The following JADE1 variants were observed in gnomAD, a reference collection of about 807,000 sequenced individuals.
JADE1 encodes jade family PHD finger 1, also known as protein Jade-1.
In JADE1, 14 loss-of-function variants were observed where a neutral mutation model predicts 81.8. That is an observed-to-expected ratio of 0.17 (90% CI 0.11 to 0.27). JADE1 has a LOEUF of 0.27. JADE1 is among the 10% of genes least tolerant of loss of function. The pLI, the probability that JADE1 is intolerant of heterozygous loss-of-function variation, is 1.00. For missense variants in JADE1, 690 were observed against 1,047.9 expected (o/e 0.66, Z 4.71); for synonymous variants, 353 against 391.9 (o/e 0.90, Z 1.17).
rs1327648272 is a variant in JADE1, at chr4:128,875,091, G to GTAT, written c.*2831_*2833dup. ...ATTTTATATTACATGACCCAATCCT[G>GTAT]TATTTATTTCTACCCCCTTTTTGAA... is the stretch of plus-strand genomic sequence containing the variant. On this transcript the variant is annotated 3_prime_UTR_variant, in exon 11 of 11. Coordinates refer to ENST00000226319, the MANE Select transcript of JADE1 (RefSeq NM_199320.4). The GTAT allele has an allele frequency of 1.3e-5, 2 of 151,846 alleles. No homozygotes were observed. Among genetic ancestry groups the GTAT allele is most frequent in the African/African-American group, 4.8e-5 (2 of 41,250 alleles). 9.4% of individuals were successfully genotyped at this position (151,846 alleles called of 1,614,324 possible).
chr4:128,860,085 T>A (rs963781030), intron 8 of JADE1, among the ~76,000 whole-genome samples: 2 of 152,210 alleles, frequency 1.3e-5, no homozygotes, highest in East Asian at 3.9e-4. Flanking sequence ...AAGTGTAGTT[T>A]AAGCCAAACA....
intron 2 of JADE1, among the ~76,000 whole-genome samples, chr4:128,839,817 G>T (rs1729283420): frequency 6.6e-6 from 1 of 152,172 alleles, no homozygotes; most frequent in South Asian, 2.1e-4. Context: ...TTCACAGTCT[G>T]TTGGTGGATG....
intron 1 of JADE1, among the ~76,000 whole-genome samples, chr4:128,810,894 G>T (rs1726292067): frequency 6.6e-6 from 1 of 152,124 alleles, no homozygotes; most frequent in African/African-American, 2.4e-5. Context: ...GCAAAGTACC[G>T]ATTAATCGTG....
intron 1 of JADE1, among the ~76,000 whole-genome samples, chr4:128,824,001 A>G (rs947940716): frequency 6.6e-6 from 1 of 152,252 alleles, no homozygotes; most frequent in Non-Finnish European, 1.5e-5. Context: ...CATAGAAGAC[A>G]AAAGTGACCA....
rs1298196271 is a variant in JADE1, at chr4:128,871,831, G to A, written c.2098G>A (p.Ala700Thr). ...VSQRHLDNTRAATSPGVGQSA... is the reference protein window; with the variant it reads ...VSQRHLDNTRTATSPGVGQSA... The stretch of plus-strand genomic sequence containing the variant: ...CCAGAGGCATCTGGACAACACAAGA[G>A]CTGCCACCTCCCCTGGAGTGGGGCA... The change falls in exon 11 of 11, where the codon GCT (alanine) becomes ACT (threonine). Residue 700 changes from alanine (A) to threonine (T), a missense_variant. Transcript: ENST00000226319. The surrounding 1 kb of genome is among the most constrained non-coding windows in gnomAD (Gnocchi z 4.1). The A allele has an allele frequency of 2.5e-6, 4 of 1,614,118 alleles. No homozygotes were observed. Among genetic ancestry groups the A allele is most frequent in the South Asian group, 1.1e-5 (1 of 91,080 alleles).
At chr4:128,861,658 T>G (rs1185521747) in intron 8 of JADE1, 46 bp from the exon 9 acceptor site, 1 of 1,584,046 alleles carries the variant, frequency 6.3e-7, no homozygotes, top group Non-Finnish European at 8.6e-7. Flanking sequence ...CTGCCATCAT[T>G]GCTCTATAAT....
chr4:128,838,670 G>A (rs1729187711), intron 2 of JADE1, among the ~76,000 whole-genome samples: 2 of 152,094 alleles, frequency 1.3e-5, no homozygotes, highest in Admixed American at 6.6e-5. Context: ...TCTAATTTCT[G>A]GTTTGACCCC....
intron 5 of JADE1, 102 bp downstream of exon 5, chr4:128,849,269 C>A: frequency 5.2e-6 from 5 of 953,520 alleles, no homozygotes; most frequent in Non-Finnish European, 7.7e-6. Context: ...CAGTTGCAGG[C>A]AGCTCCATCA....
At chr4:128,850,085 G>A (rs192000796) in intron 5 of JADE1, among the ~76,000 whole-genome samples, 23 of 152,220 alleles carry the variant, frequency 1.5e-4, no homozygotes, top group African/African-American at 4.6e-4. Context: ...CCTGAGGTCA[G>A]GACTTCAAGA....
intron 1 of JADE1, among the ~76,000 whole-genome samples, chr4:128,813,407 CTTTTTT>C (rs72296886): frequency 1.9e-4 from 22 of 115,554 alleles, no homozygotes; most frequent in South Asian, 9.1e-4. Context: ...CTTACGGTCA[CTTTTTT>C]TTTTTTTTTT....
chr4:128,815,379 C>T (rs1726941019), intron 1 of JADE1, among the ~76,000 whole-genome samples: 3 of 152,198 alleles, frequency 2.0e-5, no homozygotes, highest in Admixed American at 2.0e-4. Context: ...GGGTTACAGG[C>T]GTGAGCCACC....
chr4:128,862,331 C>CT (rs1560775874), intron 9 of JADE1, 106 bp downstream of exon 9: 1 of 1,521,078 alleles, frequency 6.6e-7, no homozygotes, highest in African/African-American at 1.4e-5. Context: ...CTCTCAGACC[C>CT]TTGTACACAC....
At chr4:128,813,070 A>C (rs1310477826) in intron 1 of JADE1, among the ~76,000 whole-genome samples, 1 of 152,208 alleles carries the variant, frequency 6.6e-6, no homozygotes, top group East Asian at 1.9e-4. Flanking sequence ...AAGCTAATGA[A>C]CTAGTTTTAA....
intron 5 of JADE1, 133 bp downstream of exon 5, chr4:128,849,300 C>A: frequency 1.4e-6 from 1 of 709,608 alleles, no homozygotes; most frequent in South Asian, 2.0e-5. Context: ...CAGTGAGAAT[C>A]GCAGCCCTGC....
intron 2 of JADE1, among the ~76,000 whole-genome samples, chr4:128,839,884 T>C (rs1481918895): frequency 5.3e-5 from 8 of 152,244 alleles, no homozygotes; most frequent in South Asian, 2.1e-4. Context: ...GCATTCCTTA[T>C]GCCAGTGATA....
intron 2 of JADE1, among the ~76,000 whole-genome samples, chr4:128,832,751 AAT>A (rs1399014517): frequency 6.6e-6 from 1 of 152,232 alleles, no homozygotes; most frequent in East Asian, 1.9e-4. Context: ...TTAAGGATGA[AAT>A]ACTTTTTAGG....
chr4:128,819,786 A>C (rs1259914855), intron 1 of JADE1, among the ~76,000 whole-genome samples: 1 of 152,214 alleles, frequency 6.6e-6, no homozygotes, highest in African/African-American at 2.4e-5. Flanking sequence ...CTCTCTGATA[A>C]CGTATCATGG....
intron 1 of JADE1, among the ~76,000 whole-genome samples, chr4:128,824,656 G>C (rs1239568929): frequency 6.6e-6 from 1 of 152,118 alleles, no homozygotes; most frequent in Non-Finnish European, 1.5e-5. Flanking sequence ...GTGAACATAA[G>C]GTAACAGTAC....
chr4:128,865,692 C>CT (rs35757086), intron 9 of JADE1, among the ~76,000 whole-genome samples: 1 of 152,096 alleles, frequency 6.6e-6, no homozygotes, highest in African/African-American at 2.4e-5. Context: ...ATGCCCTTTG[C>CT]TTTTTGGGTT....
Sources: allele counts gnomAD v4.1 joint callset (sites outside exome capture counted in the v4.1 genomes callset), GRCh38; gene constraint gnomAD v4.1.1; non-coding constraint Gnocchi (gnomAD v3.1); transcripts MANE v1.5; gene names NCBI Gene and HGNC (gene_info 2026-07-23, HGNC 2026-07-21).